MECR: variants seen among roughly 807,000 people sequenced by gnomAD.
MECR encodes enoyl-[acyl-carrier-protein] reductase, mitochondrial.
In MECR, 37 loss-of-function variants were observed where a neutral mutation model predicts 49.1. The ratio of observed to expected loss-of-function variants is 0.75; its 90% CI spans 0.58 to 0.99. MECR has a LOEUF of 0.99. Among genes scored for constraint, MECR ranks in the 50% least tolerant of loss-of-function variants. The pLI is 0.00. For missense variants in MECR, 470 were observed against 479.6 expected, an observed-to-expected ratio of 0.98 and a Z score of 0.19; for synonymous variants, 198 against 191.1, an observed-to-expected ratio of 1.04 and a Z score of -0.30.
chr1:29,197,012 C>T (rs1271691419), intron 7 of MECR, among the ~76,000 whole-genome samples: 1 of 152,070 alleles, frequency 6.6e-6, no homozygotes, highest in African/African-American at 2.4e-5. Flanking sequence ...CAACACAAAA[C>T]AAAACAACCA....
rs553421191 is a variant in MECR, at chr1:29,222,183, T to A, written c.177-5498A>T. ...ATCTTGGCTCACTGCAAGCTCCGCC[T>A]CCCGGGTTCAAGGAATTCTCCTGCC... On this transcript the variant is annotated intron_variant, in intron 1 of 9. Transcript: ENST00000263702. 4.9e-4 allele frequency among the ~76,000 whole-genome samples: 74 copies of A among 152,352 alleles called. No homozygotes were observed. The South Asian group carries it at 7.3e-3, about 15-fold the overall frequency.
At chr1:29,211,088 G>GTTTTTT (rs112758931) in intron 3 of MECR, among the ~76,000 whole-genome samples, 6 of 144,122 alleles carry the variant, frequency 4.2e-5, no homozygotes, top group Non-Finnish European at 4.5e-5. Flanking sequence ...TAAATAAAGG[G>GTTTTTT]TTTTTTTTTT....
intron 3 of MECR, among the ~76,000 whole-genome samples, chr1:29,213,612 C>T (rs990721951): frequency 3.3e-5 from 5 of 152,230 alleles, no homozygotes; most frequent in African/African-American, 1.2e-4. Context: ...TATGGTTGTG[C>T]TGGACATGAT....
chr1:29,196,563 C>T (rs1032123532), intron 7 of MECR, among the ~76,000 whole-genome samples: 66 of 152,096 alleles, frequency 4.3e-4, no homozygotes, highest in African/African-American at 1.5e-3. Context: ...GGCGGCATGC[C>T]TGTAGTCCCA....
chr1:29,177,604 A>G, the MECR span, among the ~76,000 whole-genome samples: 2 of 151,978 alleles, frequency 1.3e-5, no homozygotes, highest in East Asian at 3.9e-4. Flanking sequence ...CTTGAAGTTT[A>G]TGGGGCGGGT....
chr1:29,192,208 G>A (rs1259076848), downstream of MECR, among the ~76,000 whole-genome samples: 1 of 152,108 alleles, frequency 6.6e-6, no homozygotes, highest in Non-Finnish European at 1.5e-5. Context: ...TTTGTGATCT[G>A]TACCTCACCC....
chr1:29,197,169 T>C lies in MECR; in HGVS notation c.831-911A>G, dbSNP rs1674211570. ...TGATCTAACCCATCCAGTCAGGCTTTGATTAAGTGCTGAAAAGAAACATGC... is the reference window on the plus strand; with the variant it reads ...TGATCTAACCCATCCAGTCAGGCTTCGATTAAGTGCTGAAAAGAAACATGC... On this transcript the variant is annotated intron_variant, in intron 7 of 9. Coordinates refer to ENST00000263702, the MANE Select transcript of MECR (RefSeq NM_016011.5). Among the ~76,000 whole-genome samples, 3 of 152,326 alleles carry C rather than the reference T, an allele frequency of 2.0e-5. No individual in the cohort carries two copies. The South Asian group carries it at 6.2e-4, about 32-fold the overall frequency.
rs1018900140 is a variant in MECR at position 29,198,111 on chromosome 1, CTTCACAATAGGG to C, written c.831-1865_831-1854del. Among the ~76,000 whole-genome samples the C allele has an allele frequency of 1.7e-4, 26 of 152,290 alleles. 1 individual carries two copies. The highest frequency in any genetic ancestry group is 2.6e-4 in the Admixed American group (4 of 15,290). ...GGGACCTAGATCCCTTCCCTGCGTGCTTCACAATAGGGTTCACATGCCCATGAGAATCGAATG... is the reference window on the plus strand; with the variant it reads ...GGGACCTAGATCCCTTCCCTGCGTGCTTCACATGCCCATGAGAATCGAATG... On this transcript the variant is annotated intron_variant, in intron 7 of 9. Coordinates refer to ENST00000263702, the MANE Select transcript of MECR (RefSeq NM_016011.5).
chr1:29,208,663 T>C (rs1433303514), intron 3 of MECR, among the ~76,000 whole-genome samples: 1 of 152,158 alleles, frequency 6.6e-6, no homozygotes, highest in East Asian at 1.9e-4. Flanking sequence ...CAGAGCCCCC[T>C]GGCTTATCTA....
At chr1:29,200,287 C>G (rs1674999628) in intron 7 of MECR, 1 of 393,940 alleles carries the variant, frequency 2.5e-6, no homozygotes, top group Non-Finnish European at 4.6e-6. Flanking sequence ...CTTCTGGGGT[C>G]CCTTGGAAAA....
downstream of MECR, among the ~76,000 whole-genome samples, chr1:29,190,306 C>T (rs1180056820): frequency 6.6e-6 from 1 of 151,638 alleles, no homozygotes; most frequent in Non-Finnish European, 1.5e-5. Context: ...ACCCGGGAGG[C>T]GGAGCTTGCA....
At chr1:29,180,298 G>A in the MECR span, among the ~76,000 whole-genome samples, 2 of 151,794 alleles carry the variant, frequency 1.3e-5, no homozygotes, top group South Asian at 4.1e-4. Flanking sequence ...ATACAATAAC[G>A]TCTACCCGCC....
chr1:29,169,182 C>T, the MECR span: 3 of 152,322 alleles, frequency 2.0e-5, no homozygotes, highest in South Asian at 6.2e-4. Flanking sequence ...GGTTTACTGT[C>T]ATCTGACAGA....
At chr1:29,206,304 C>T (rs541869565) in intron 4 of MECR, among the ~76,000 whole-genome samples, 1 of 152,224 alleles carries the variant, frequency 6.6e-6, no homozygotes, top group Non-Finnish European at 1.5e-5. Flanking sequence ...AACCTTACTG[C>T]AATGCTGTGA....
At chr1:29,218,688 T>C (rs1277956476) in intron 1 of MECR, among the ~76,000 whole-genome samples, 9 of 152,200 alleles carry the variant, frequency 5.9e-5, no homozygotes, top group Non-Finnish European at 1.5e-5. Flanking sequence ...CTGGTCAACC[T>C]AGTGAAACCC....
chr1:29,195,115 C>CA (rs147117890), intron 9 of MECR, among the ~76,000 whole-genome samples: 2 of 151,560 alleles, frequency 1.3e-5, no homozygotes, highest in African/African-American at 4.8e-5. Context: ...TACCTTGTTT[C>CA]AAAAAAAATA....
the MECR span, chr1:29,170,321 C>T: frequency 5.3e-5 from 8 of 152,296 alleles, no homozygotes; most frequent in East Asian, 5.8e-4. Flanking sequence ...TATAGAATTA[C>T]TTTATCTGTT....
In MECR at chr1:29,230,788, G is replaced by A; in HGVS notation, c.119C>T (p.Pro40Leu). The A allele has an allele frequency of 6.2e-7, 1 of 1,604,946 alleles. No homozygotes were observed. Among genetic ancestry groups the A allele is most frequent in the South Asian group, 1.1e-5 (1 of 89,994 alleles). The change falls in exon 1 of 10, where the codon CCT becomes CTT. Residue 40 changes from proline to leucine, a missense_variant. Transcript: ENST00000263702. The part of the protein sequence containing the change: ...AASSYSASAE[P>L]ARVRALVYGH... ...ATAGACAAGCGCCCGGACCCGGGCA[G>A]GCTCGGCGGATGCGGAGTAGGAGGA...
chr1:29,182,531 T>C, the MECR span, among the ~76,000 whole-genome samples: 1 of 152,040 alleles, frequency 6.6e-6, no homozygotes, highest in South Asian at 2.1e-4. Context: ...AGTAAATTAC[T>C]TGACCACAAT....
Sources: allele counts gnomAD v4.1 joint callset (sites outside exome capture counted in the v4.1 genomes callset), GRCh38; gene constraint gnomAD v4.1.1; transcripts MANE v1.5; gene names NCBI Gene and HGNC (gene_info 2026-07-23, HGNC 2026-07-21).